Variants in XNDC1N observed in about 807,000 individuals in gnomAD.
The protein encoded by XNDC1N is protein XNDC1N.
At chr11:71,882,436 G>T in the XNDC1N span, among the ~76,000 whole-genome samples, 1 of 152,044 alleles carries the variant, frequency 6.6e-6, no homozygotes, top group Admixed American at 6.6e-5. Flanking sequence ...TCACTAGTTT[G>T]GCCAGGCTGG....
the XNDC1N span, among the ~76,000 whole-genome samples, chr11:71,872,178 A>T: frequency 1.3e-5 from 2 of 151,824 alleles, no homozygotes; most frequent in Non-Finnish European, 2.9e-5. Context: ...TTTATATATA[A>T]CCCCCACACT....
chr11:71,887,476 C>G, the XNDC1N span, among the ~76,000 whole-genome samples: 1 of 152,124 alleles, frequency 6.6e-6, no homozygotes, highest in Middle Eastern at 3.4e-3. Context: ...GGAAAGGAGA[C>G]TTTTCTGAAC....
the XNDC1N span, among the ~76,000 whole-genome samples, chr11:71,871,536 A>G: frequency 0.016 from 2,380 of 149,506 alleles, no homozygotes; most frequent in African/African-American, 0.051. Flanking sequence ...CATTCTCAAG[A>G]CAAAAAAATA....
chr11:71,904,339 TCA>T, the XNDC1N span, among the ~76,000 whole-genome samples: 1 of 152,096 alleles, frequency 6.6e-6, no homozygotes, highest in African/African-American at 2.4e-5. Flanking sequence ...ATGAAAAATA[TCA>T]CAGGGTGTGC....
chr11:71,866,553 C>A, the XNDC1N span, among the ~76,000 whole-genome samples: 2 of 152,238 alleles, frequency 1.3e-5, no homozygotes, highest in Admixed American at 1.3e-4. Context: ...AGGCCGAGGT[C>A]AGGAGTTCAA....
the XNDC1N span, chr11:71,927,760 C>T: frequency 6.6e-6 from 1 of 152,078 alleles, no homozygotes; most frequent in African/African-American, 2.4e-5. Flanking sequence ...ATCATAATGC[C>T]AGTAGTCAAT....
the XNDC1N span, chr11:71,917,870 T>C: frequency 9.4e-6 from 6 of 640,994 alleles, no homozygotes; most frequent in Non-Finnish European, 1.1e-5. Flanking sequence ...ACTTTACAGC[T>C]AGCTGAAAGC....
the XNDC1N span, chr11:71,916,358 C>A: frequency 7.8e-3 from 4,856 of 624,634 alleles, 166 homozygotes; most frequent in African/African-American, 0.081. Flanking sequence ...TAGAGAGTAA[C>A]CTCCAACAAA....
the XNDC1N span, among the ~76,000 whole-genome samples, chr11:71,896,016 G>A: frequency 6.6e-6 from 1 of 152,176 alleles, no homozygotes; most frequent in Non-Finnish European, 1.5e-5. Flanking sequence ...GGTGGCTCAG[G>A]CCTGTAATCC....
At chr11:71,891,549 C>T in the XNDC1N span, among the ~76,000 whole-genome samples, 267 of 152,154 alleles carry the variant, frequency 1.8e-3, no homozygotes, top group African/African-American at 5.7e-3. Context: ...GATCCTCTCC[C>T]GACCTGGATA....
chr11:71,868,167 C>G, the XNDC1N span, among the ~76,000 whole-genome samples: 28,517 of 152,016 alleles, frequency 0.19, 4,875 homozygotes, highest in African/African-American at 0.45. Flanking sequence ...TACTTTGAGC[C>G]TATGAGTGAT....
the XNDC1N span, among the ~76,000 whole-genome samples, chr11:71,891,598 A>G: frequency 2.0e-5 from 3 of 152,232 alleles, no homozygotes; most frequent in African/African-American, 7.2e-5. Context: ...CGTTTCCTAC[A>G]CTGTTGACAG....
chr11:71,909,513 C>A, the XNDC1N span, among the ~76,000 whole-genome samples: 1 of 152,178 alleles, frequency 6.6e-6, no homozygotes, highest in Admixed American at 6.5e-5. Context: ...GGGCCCTGCT[C>A]AACCTGGCAG....
At chr11:71,876,774 T>C in the XNDC1N span, among the ~76,000 whole-genome samples, 1 of 152,250 alleles carries the variant, frequency 6.6e-6, no homozygotes, top group Admixed American at 6.5e-5. Context: ...AAGCTTTTCC[T>C]CGTGATCAAG....
chr11:71,907,679 C>T, the XNDC1N span, among the ~76,000 whole-genome samples: 2 of 152,008 alleles, frequency 1.3e-5, no homozygotes, highest in Non-Finnish European at 2.9e-5. Flanking sequence ...GGTGTCAGGT[C>T]GTCCTCTCCC....
the XNDC1N span, chr11:71,928,261 T>A: frequency 1.8e-6 from 1 of 569,862 alleles, no homozygotes; most frequent in South Asian, 2.1e-5. Context: ...CACCGCTGCT[T>A]TCACAGCTCA....
chr11:71,878,600 A>G, the XNDC1N span: 6 of 1,373,398 alleles, frequency 4.4e-6, no homozygotes, highest in South Asian at 6.3e-5. Context: ...TAAATTAGGC[A>G]TGGGCAGATT....
the XNDC1N span, among the ~76,000 whole-genome samples, chr11:71,889,499 G>A: frequency 2.3e-3 from 344 of 152,330 alleles, 4 homozygotes; most frequent in Non-Finnish European, 2.5e-3. Context: ...TAGAGGGAAG[G>A]ACAAGTGATG....
At chr11:71,918,740 G>A in the XNDC1N span, 78 of 611,510 alleles carry the variant, frequency 1.3e-4, no homozygotes, top group Non-Finnish European at 2.2e-4. Flanking sequence ...AAGGGCAAGG[G>A]CCACATTTCC....
Sources: gnomAD v4.1 joint callset for allele counts (sites outside exome capture counted in the v4.1 genomes callset) on GRCh38, gnomAD v4.1.1 for gene constraint, MANE v1.5 for transcripts, NCBI Gene and HGNC (gene_info 2026-07-23, HGNC 2026-07-21) for gene names.